Variants in MIB1 observed in about 807,000 individuals in gnomAD.
MIB1 encodes E3 ubiquitin-protein ligase MIB1.
MIB1 carries 278 observed loss-of-function variants against 124.5 expected under a neutral mutation model. The observed-to-expected ratio is 2.23, with a 90% CI of 2.02 to 2.47. MIB1 has a LOEUF of 2.47. Ranked by LOEUF, MIB1 falls within the 30% of genes most tolerant of loss-of-function variation. The probability of loss-of-function intolerance (pLI) is 0.00; values close to 1 mark genes in which losing one functional copy is unlikely to be tolerated. For synonymous variants in MIB1, 446 were observed against 429.4 expected, an observed-to-expected ratio of 1.04 and a Z score of -0.48; for missense variants, 957 against 1,254.4, an observed-to-expected ratio of 0.76 and a Z score of 3.58.
At position 21,798,219 on chromosome 18, in the gene MIB1, G is replaced by GC. The variant is rs760437645; in HGVS notation, c.1229dup (p.Ser411IlefsTer3). The GC allele has an allele frequency of 6.2e-7, 1 of 1,612,880 alleles. No individual in the cohort carries two copies. Among genetic ancestry groups the GC allele is most frequent in the African/African-American group, 1.3e-5 (1 of 74,978 alleles). The stretch of plus-strand genomic sequence containing the variant: ...ATCTGCAGGATCAGCCATTAGCAAT[G>GC]CATCTGGTGGTATGTTTTATATTGT... On this transcript the variant is annotated frameshift_variant, in exon 8 of 21. Transcript: ENST00000261537. LOFTEE classifies it high-confidence loss of function.
At chr18:21,863,800 T>C (rs916009632) in intron 20 of MIB1, among the ~76,000 whole-genome samples, 1 of 151,972 alleles carries the variant, frequency 6.6e-6, no homozygotes, top group Non-Finnish European at 1.5e-5. Flanking sequence ...GGTCAGAAGA[T>C]CAAGACCATC....
intron 1 of MIB1, among the ~76,000 whole-genome samples, chr18:21,735,193 A>G (rs2040790765): frequency 1.3e-5 from 2 of 152,200 alleles, no homozygotes; most frequent in Admixed American, 1.3e-4. Context: ...TACCTGGTTC[A>G]TCTCACTGGG....
At chr18:21,705,840 C>T (rs966308955) in intron 1 of MIB1, among the ~76,000 whole-genome samples, 7 of 152,044 alleles carry the variant, frequency 4.6e-5, no homozygotes, top group African/African-American at 9.7e-5. Flanking sequence ...TAATCTGTAG[C>T]GTAACAATTT....
At chr18:21,744,142 T>C (rs2146377516) in intron 1 of MIB1, among the ~76,000 whole-genome samples, 1 of 146,482 alleles carries the variant, frequency 6.8e-6, no homozygotes, top group South Asian at 2.2e-4. Flanking sequence ...AATTGTAAGC[T>C]CCTGGCTCTT....
At chr18:21,748,802 A>C (rs1418614290) in intron 1 of MIB1, among the ~76,000 whole-genome samples, 1 of 142,072 alleles carries the variant, frequency 7.0e-6, no homozygotes, top group Non-Finnish European at 1.5e-5. Context: ...GTGTGATTAT[A>C]GCTCATTGCA....
At chr18:21,857,394 TTATTA>T (rs914664615) in intron 19 of MIB1, 151 bp downstream of exon 19, 24 of 604,260 alleles carry the variant, frequency 4.0e-5, no homozygotes, top group Middle Eastern at 8.0e-4. Flanking sequence ...TCTGGTGCTC[TTATTA>T]TATTATAAGA....
intron 1 of MIB1, among the ~76,000 whole-genome samples, chr18:21,753,271 C>T (rs961334687): frequency 6.6e-6 from 1 of 152,044 alleles, no homozygotes; most frequent in Non-Finnish European, 1.5e-5. Flanking sequence ...TCACTGCAAC[C>T]TTGGCTTCAC....
At chr18:21,798,507 A>T (rs1203818089) in intron 8 of MIB1, among the ~76,000 whole-genome samples, 1 of 152,094 alleles carries the variant, frequency 6.6e-6, no homozygotes, top group Non-Finnish European at 1.5e-5. Flanking sequence ...TCCACATCAA[A>T]TTTGAGATTC....
intron 6 of MIB1, among the ~76,000 whole-genome samples, chr18:21,781,344 C>T (rs532227504): frequency 8.1e-6 from 1 of 124,114 alleles, no homozygotes; most frequent in African/African-American, 3.0e-5. Flanking sequence ...GATCTTGTTA[C>T]TCATTATTGG....
intron 9 of MIB1, among the ~76,000 whole-genome samples, chr18:21,802,297 T>C (rs2041658732): frequency 6.6e-6 from 1 of 152,170 alleles, no homozygotes; most frequent in African/African-American, 2.4e-5. Flanking sequence ...AAACTAGAAA[T>C]CATGTCATTC....
chr18:21,767,813 C>A lies in MIB1; in HGVS notation c.402-810C>A, dbSNP rs552962398. On this transcript the variant is annotated intron_variant, in intron 2 of 20. Transcript: ENST00000261537. ...CCACCTGCCTTGGCCTCCCAAAGTG[C>A]TGGGATTACAGGTGTGAGCCACCAT... 4.6e-5 allele frequency among the ~76,000 whole-genome samples: 7 copies of A among 152,260 alleles called. No individual in the cohort carries two copies. In the East Asian group the frequency reaches 1.4e-3, roughly 29 times the overall value.
chr18:21,764,779 C>T (rs961897043), intron 1 of MIB1, among the ~76,000 whole-genome samples: 3 of 151,698 alleles, frequency 2.0e-5, no homozygotes, highest in East Asian at 1.9e-4. Context: ...TTATTTTATA[C>T]GTAAATACTT....
chr18:21,820,265 G>A (rs1407832888), intron 12 of MIB1, among the ~76,000 whole-genome samples: 3 of 152,100 alleles, frequency 2.0e-5, no homozygotes, highest in African/African-American at 7.2e-5. Flanking sequence ...TCACTTTTTG[G>A]AACAACTTTA....
Position 21,741,535 on chromosome 18 carries a change from A to G in MIB1, c.-49A>G, listed in dbSNP as rs528731305. 96 of 1,231,472 alleles carry G rather than the reference A, an allele frequency of 7.8e-5. No individual in the cohort carries two copies. In the Middle Eastern group the frequency reaches 1.3e-3, roughly 16 times the overall value. The allele number at this position is 1,231,472 out of a possible 1,614,324, so 76.3% of individuals were successfully genotyped here. A position where few individuals can be genotyped will look rare whatever the true frequency, so the allele number is the denominator to read the frequency against. ...ACTCCCTCACGGGCCCCCCGGCGGC[A>G]GCGGCGGCGGCGGCGGCGGCAGCGG... On this transcript the variant is annotated 5_prime_UTR_variant, in exon 1 of 21. Coordinates refer to ENST00000261537, the MANE Select transcript of MIB1 (RefSeq NM_020774.4). This position sits in a 1 kb window ranked among gnomAD's most constrained non-coding sequence, Gnocchi z 5.4.
intron 6 of MIB1, among the ~76,000 whole-genome samples, chr18:21,784,262 T>A (rs2041407420): frequency 6.6e-6 from 1 of 151,402 alleles, no homozygotes; most frequent in Non-Finnish European, 1.5e-5. Context: ...TTGGCCAGGC[T>A]GGTCTGGATC....
intron 1 of MIB1, among the ~76,000 whole-genome samples, chr18:21,747,921 G>A (rs2040929464): frequency 6.6e-6 from 1 of 152,128 alleles, no homozygotes; most frequent in Non-Finnish European, 1.5e-5. Flanking sequence ...TAAGGGAAAG[G>A]GTCTGTGTTA....
chr18:21,710,588 A>C (rs376059359), intron 1 of MIB1, among the ~76,000 whole-genome samples: 1 of 152,070 alleles, frequency 6.6e-6, no homozygotes, highest in Admixed American at 6.6e-5. Flanking sequence ...TATTTCTACA[A>C]AAAATTTAAA....
intron 1 of MIB1, among the ~76,000 whole-genome samples, chr18:21,726,007 T>C (rs1356221710): frequency 6.6e-6 from 1 of 152,178 alleles, no homozygotes; most frequent in African/African-American, 2.4e-5. Context: ...TGTTTTCAAG[T>C]GTGGAGTGGT....
rs769880902 is a variant in MIB1 at position 21,866,719 on chromosome 18, G to C, written c.*2053G>C. The C allele has an allele frequency of 3.3e-5, 5 of 152,138 alleles. No homozygotes were observed. Among genetic ancestry groups the C allele is most frequent in the Non-Finnish European group, 7.3e-5 (5 of 68,034 alleles). 9.4% of individuals were successfully genotyped at this position (152,138 alleles called of 1,614,324 possible). A position where few individuals can be genotyped will look rare whatever the true frequency, so the allele number is the denominator to read the frequency against. On this transcript the variant is annotated 3_prime_UTR_variant, in exon 21 of 21. Transcript: ENST00000261537. ...CCCTAAAAGGTAATAGCATCTTCCAGACTAGTTTAATTATTTCCTTTATAA... is the reference window on the plus strand; with the variant it reads ...CCCTAAAAGGTAATAGCATCTTCCACACTAGTTTAATTATTTCCTTTATAA...
Sources: gnomAD v4.1 joint callset for allele counts (sites outside exome capture counted in the v4.1 genomes callset) on GRCh38, gnomAD v4.1.1 for gene constraint, Gnocchi (gnomAD v3.1) non-coding constraint, MANE v1.5 for transcripts, NCBI Gene and HGNC (gene_info 2026-07-23, HGNC 2026-07-21) for gene names.